PCDHGB5: variants seen among roughly 807,000 people sequenced by gnomAD.
PCDHGB5 encodes the protein protocadherin gamma-B5.
In PCDHGB5, 48 loss-of-function variants were observed where a neutral mutation model predicts 62.9. The ratio of observed to expected loss-of-function variants is 0.76; its 90% CI spans 0.61 to 0.97. PCDHGB5 has a LOEUF of 0.97. Among genes scored for constraint, PCDHGB5 ranks in the 50% least tolerant of loss-of-function variants. The probability of loss-of-function intolerance (pLI) is 0.00; values close to 1 mark genes in which losing one functional copy is unlikely to be tolerated. For synonymous variants in PCDHGB5, 474 were observed against 511.2 expected (o/e 0.93, Z 0.98); for missense variants, 1,118 against 1,198.6 (o/e 0.93, Z 0.99).
chr5:141,403,053 C>T (rs754618954), intron 1 of PCDHGB5: 2 of 1,614,076 alleles, frequency 1.2e-6, no homozygotes, highest in Non-Finnish European at 1.7e-6. Context: ...ATTCGCTACT[C>T]AGTGCCTGAA....
intron 1 of PCDHGB5, chr5:141,478,585 T>A (rs1474599564): frequency 1.3e-5 from 20 of 1,576,728 alleles, no homozygotes; most frequent in Non-Finnish European, 1.7e-5. Flanking sequence ...TGTTAGTGCT[T>A]TTTTATTCCT....
In PCDHGB5 at chr5:141,472,879, G is replaced by A. The variant is rs541980402; in HGVS notation, c.2398-21928G>A. Among the ~76,000 whole-genome samples the A allele has an allele frequency of 3.3e-5, 5 of 151,694 alleles. No homozygotes were observed. The South Asian group carries it at 6.2e-4, about 19-fold the overall frequency. ...CACATGCCTGTATTCCCAGCTACTC[G>A]GGAGGCTGAGGCAGGAGAATTGCTT... On this transcript the variant is annotated intron_variant, in intron 1 of 3. Coordinates refer to ENST00000617380, the MANE Select transcript of PCDHGB5 (RefSeq NM_018925.3).
chr5:141,482,728 A>T (rs192207285), intron 1 of PCDHGB5, among the ~76,000 whole-genome samples: 97 of 128,396 alleles, frequency 7.6e-4, no homozygotes, highest in Admixed American at 3.3e-3. Context: ...GGGCCATTGC[A>T]AGAAATTCCA....
chr5:141,511,453 T>G lies in PCDHGB5; in HGVS notation c.*280T>G. 1.7e-6 allele frequency: 1 copy of G among 595,822 alleles called. No individual in the cohort carries two copies. Among genetic ancestry groups the G allele is most frequent in the Non-Finnish European group, 2.8e-6 (1 of 360,062 alleles). 36.9% of individuals were successfully genotyped at this position (595,822 alleles called of 1,614,324 possible). ...GGTTACTGTAGACACCAAGAACCATTTGCCACACCCCGTTTAGTTACAGCT... is the reference window on the plus strand; with the variant it reads ...GGTTACTGTAGACACCAAGAACCATGTGCCACACCCCGTTTAGTTACAGCT... On this transcript the variant is annotated 3_prime_UTR_variant, in exon 4 of 4. Transcript: ENST00000617380.
chr5:141,499,414 T>C (rs543824206), intron 2 of PCDHGB5, among the ~76,000 whole-genome samples: 1 of 151,804 alleles, frequency 6.6e-6, no homozygotes, highest in Non-Finnish European at 1.5e-5. Context: ...TATAGAAACA[T>C]GAAAAATAGA....
At chr5:141,401,533 C>CA (rs902946394) in intron 1 of PCDHGB5, among the ~76,000 whole-genome samples, 5 of 151,672 alleles carry the variant, frequency 3.3e-5, no homozygotes, top group Admixed American at 6.6e-5. Flanking sequence ...AAGAAACTTA[C>CA]AAAAAAAAGG....
intron 1 of PCDHGB5, among the ~76,000 whole-genome samples, chr5:141,483,526 G>A (rs2099582495): frequency 6.6e-6 from 1 of 152,118 alleles, no homozygotes; most frequent in African/African-American, 2.4e-5. Flanking sequence ...TCCTGACTAA[G>A]GAAGCTGGGT....
At position 141,459,173 on chromosome 5, in the gene PCDHGB5, AG is replaced by A. The variant is rs370401072; in HGVS notation, c.2398-35633del. Among the ~76,000 whole-genome samples the A allele has an allele frequency of 3.1e-3, 479 of 152,326 alleles. 10 individuals carry two copies. In the South Asian group the frequency reaches 0.063, roughly 20 times the overall value. ...ATAGAACATTTCTATAACCTTCAAA[AG>A]TTCCCTCATGCCCCTTTGCAATCAA... On this transcript the variant is annotated intron_variant, in intron 1 of 3. Coordinates refer to ENST00000617380, the MANE Select transcript of PCDHGB5 (RefSeq NM_018925.3).
rs1200950542 is a variant in PCDHGB5, at chr5:141,409,998, G to A, written c.2397+9474G>A. 4 of 1,613,236 alleles carry A rather than the reference G, an allele frequency of 2.5e-6. No homozygotes were observed. In the Admixed American group the frequency reaches 6.7e-5, roughly 27 times the overall value. On this transcript the variant is annotated intron_variant, in intron 1 of 3. Coordinates refer to ENST00000617380, the MANE Select transcript of PCDHGB5 (RefSeq NM_018925.3). ...GTGGTAGCGGTGGACGCCGACTCGGGACACAACGCCTGGCTGTCCTACCAC... is the reference window on the plus strand; with the variant it reads ...GTGGTAGCGGTGGACGCCGACTCGGAACACAACGCCTGGCTGTCCTACCAC...
At chr5:141,419,630 G>T in intron 1 of PCDHGB5, 2 of 1,612,430 alleles carry the variant, frequency 1.2e-6, no homozygotes, top group African/African-American at 1.3e-5. Flanking sequence ...GGTGACCAAG[G>T]TGGTGGCCGT....
intron 3 of PCDHGB5, 94 bp downstream of exon 3, chr5:141,505,575 C>T: frequency 6.3e-7 from 1 of 1,592,302 alleles, no homozygotes. Context: ...GATGTCAAAC[C>T]TGTGTAGTTT....
At position 141,413,851 on chromosome 5, in the gene PCDHGB5, C is replaced by T. The variant is rs766108205; in HGVS notation, c.2397+13327C>T. The T allele has an allele frequency of 1.5e-5, 25 of 1,613,340 alleles. No homozygotes were observed. In the East Asian group the frequency reaches 2.7e-4, roughly 17 times the overall value. ...CGCCTCCGACGGGGGTGACCCTCTC[C>T]GATCTGGCACTGTCCTTGTCAGTGT... On this transcript the variant is annotated intron_variant, in intron 1 of 3. Coordinates refer to ENST00000617380, the MANE Select transcript of PCDHGB5 (RefSeq NM_018925.3).
At chr5:141,428,286 A>G in intron 1 of PCDHGB5, 1 of 730,462 alleles carries the variant, frequency 1.4e-6, no homozygotes, top group Non-Finnish European at 2.4e-6. Flanking sequence ...ATTCCCAAGC[A>G]AAGCTGCAGA....
intron 3 of PCDHGB5, among the ~76,000 whole-genome samples, chr5:141,505,989 T>C (rs1275642739): frequency 6.6e-6 from 1 of 152,136 alleles, no homozygotes; most frequent in Non-Finnish European, 1.5e-5. Context: ...ACACCTCCTC[T>C]TTATGCGAGG....
chr5:141,449,095 T>C (rs2098628347), intron 1 of PCDHGB5, among the ~76,000 whole-genome samples: 1 of 152,204 alleles, frequency 6.6e-6, no homozygotes. Flanking sequence ...AGTTTTTACA[T>C]ATGCAGTATA....
intron 1 of PCDHGB5, chr5:141,419,942 G>A: frequency 6.2e-7 from 1 of 1,614,070 alleles, no homozygotes. Context: ...CCTGGTGGTG[G>A]CCTTGGCCTT....
Position 141,489,880 on chromosome 5 carries a change from G to A in PCDHGB5, c.2398-4927G>A. On this transcript the variant is annotated intron_variant, in intron 1 of 3. Transcript: ENST00000617380. The surrounding 1 kb of genome is among the most constrained non-coding windows in gnomAD (Gnocchi z 4.5). Reference sequence around the variant, plus strand: ...GGCAAGACATCAGCTGGTGCTTACTGCTGTGGATGGGGGGACCCCAGCCCG... The same window carrying A: ...GGCAAGACATCAGCTGGTGCTTACTACTGTGGATGGGGGGACCCCAGCCCG... 2 of 1,614,230 alleles carry A rather than the reference G, an allele frequency of 1.2e-6. No individual in the cohort carries two copies. The highest frequency in any genetic ancestry group is 1.7e-6 in the Non-Finnish European group (2 of 1,180,026).
At chr5:141,507,286 TC>T in intron 3 of PCDHGB5, 1 of 149,886 alleles carries the variant, frequency 6.7e-6, no homozygotes, top group East Asian at 1.9e-4. Context: ...TAAGTCAGTC[TC>T]AAATGTTGCA....
chr5:141,466,014 C>T (rs962233749), intron 1 of PCDHGB5, among the ~76,000 whole-genome samples: 75 of 151,848 alleles, frequency 4.9e-4, no homozygotes, highest in African/African-American at 1.2e-3. Flanking sequence ...CCCAGCTACT[C>T]GGGAGGGTGA....
Sources: allele counts gnomAD v4.1 joint callset (sites outside exome capture counted in the v4.1 genomes callset), GRCh38; gene constraint gnomAD v4.1.1; non-coding constraint Gnocchi (gnomAD v3.1); transcripts MANE v1.5; gene names NCBI Gene and HGNC (gene_info 2026-07-23, HGNC 2026-07-21).